RGL1: variants seen among roughly 807,000 people sequenced by gnomAD.
The protein encoded by RGL1 is ral guanine nucleotide dissociation stimulator-like 1.
A neutral mutation model predicts 95.2 loss-of-function variants in RGL1; 24 were observed. That is an observed-to-expected ratio of 0.25 (90% CI 0.18 to 0.35). The LOEUF (loss-of-function observed/expected upper bound fraction) is 0.35, where lower values mean the gene tolerates loss of function less well. Among genes scored for constraint, RGL1 ranks in the 10% least tolerant of loss-of-function variants. The pLI, the probability that RGL1 is intolerant of heterozygous loss-of-function variation, is 1.00. For synonymous variants in RGL1, 329 were observed against 344.9 expected (o/e 0.95, Z 0.51); for missense variants, 715 against 936.3 (o/e 0.76, Z 3.08).
At chr1:183,851,179 T>A (rs868752502) in intron 3 of RGL1, among the ~76,000 whole-genome samples, 30 of 152,308 alleles carry the variant, frequency 2.0e-4, no homozygotes, top group South Asian at 1.2e-3. Flanking sequence ...GAGTTAGGAT[T>A]TATTTTTTTA....
intron 2 of RGL1, among the ~76,000 whole-genome samples, chr1:183,749,574 T>C (rs1018589485): frequency 1.3e-5 from 2 of 152,232 alleles, no homozygotes; most frequent in African/African-American, 2.4e-5. Flanking sequence ...AAGGTTAATA[T>C]TGTTATGTGT....
At chr1:183,694,865 G>A (rs1654164710) in intron 1 of RGL1, among the ~76,000 whole-genome samples, 1 of 152,224 alleles carries the variant, frequency 6.6e-6, no homozygotes. Context: ...GCTCTGACAG[G>A]GATTTCAGGA....
chr1:183,652,194 G>T (rs1650810983), intron 1 of RGL1, among the ~76,000 whole-genome samples: 1 of 152,156 alleles, frequency 6.6e-6, no homozygotes, highest in South Asian at 2.1e-4. Context: ...AAAAGTCTTT[G>T]TGTGTTTTTA....
At chr1:183,729,518 G>A (rs1224184798) in intron 1 of RGL1, among the ~76,000 whole-genome samples, 1 of 152,052 alleles carries the variant, frequency 6.6e-6, no homozygotes, top group Non-Finnish European at 1.5e-5. Flanking sequence ...TGCATACACC[G>A]CTTATGGGAA....
At chr1:183,649,787 G>A (rs915625551) in intron 1 of RGL1, among the ~76,000 whole-genome samples, 4 of 151,930 alleles carry the variant, frequency 2.6e-5, no homozygotes, top group African/African-American at 9.7e-5. Context: ...TTCAGTTATC[G>A]TTGTTCCTAT....
intron 1 of RGL1, among the ~76,000 whole-genome samples, chr1:183,719,110 A>G (rs984963548): frequency 6.6e-6 from 1 of 152,204 alleles, no homozygotes; most frequent in African/African-American, 2.4e-5. Context: ...ATTATCTTTC[A>G]TATGGTTGCA....
intron 1 of RGL1, among the ~76,000 whole-genome samples, chr1:183,679,420 T>C (rs1207040966): frequency 6.9e-6 from 1 of 144,162 alleles, no homozygotes; most frequent in Non-Finnish European, 1.5e-5. Context: ...CCGTGTGTGA[T>C]GTTCCCCTCC....
At chr1:183,911,453 TA>T (rs2102728978) in intron 14 of RGL1, among the ~76,000 whole-genome samples, 1 of 152,306 alleles carries the variant, frequency 6.6e-6, no homozygotes, top group Admixed American at 6.5e-5. Context: ...GGGTGTGCAT[TA>T]AAACCCATAT....
intron 1 of RGL1, among the ~76,000 whole-genome samples, chr1:183,698,290 G>C (rs1455092327): frequency 6.6e-6 from 1 of 152,200 alleles, no homozygotes; most frequent in Non-Finnish European, 1.5e-5. Context: ...TGGTCTAGGA[G>C]TGGTAGTGGC....
chr1:183,784,369 T>G (rs952923010), intron 2 of RGL1, among the ~76,000 whole-genome samples: 8 of 152,172 alleles, frequency 5.3e-5, no homozygotes, highest in Non-Finnish European at 1.2e-4. Context: ...CTGTCAGCAG[T>G]TAGCAGGCTC....
intron 8 of RGL1, among the ~76,000 whole-genome samples, chr1:183,889,445 G>A (rs2102663512): frequency 6.6e-6 from 1 of 152,244 alleles, no homozygotes; most frequent in South Asian, 2.1e-4. Flanking sequence ...AGGAGGAGAG[G>A]GATGCCAGCT....
chr1:183,863,826 A>G (rs1331315313), intron 3 of RGL1, among the ~76,000 whole-genome samples: 1 of 152,172 alleles, frequency 6.6e-6, no homozygotes, highest in Non-Finnish European at 1.5e-5. Context: ...GTTATTATCA[A>G]GCAGTCACTC....
chr1:183,892,253 C>G, intron 9 of RGL1, 92 bp downstream of exon 9: 1 of 905,174 alleles, frequency 1.1e-6, no homozygotes, highest in East Asian at 2.6e-5. Context: ...TAAGTTCCTT[C>G]AACTCCAAAG....
chr1:183,647,915 A>C, intron 1 of RGL1: 1 of 1,614,168 alleles, frequency 6.2e-7, no homozygotes, highest in Non-Finnish European at 8.5e-7. Flanking sequence ...AAACAACAGG[A>C]GCCCTGAGGT....
chr1:183,915,018 A>G (rs1446334260), intron 15 of RGL1, among the ~76,000 whole-genome samples: 5 of 152,202 alleles, frequency 3.3e-5, no homozygotes, highest in African/African-American at 1.2e-4. Flanking sequence ...AAAAACCAAA[A>G]CAAAAACTAA....
chr1:183,891,811 A>G (rs942321088), intron 8 of RGL1, among the ~76,000 whole-genome samples: 2 of 147,500 alleles, frequency 1.4e-5, no homozygotes, highest in East Asian at 2.0e-4. Context: ...TGATGCCCCA[A>G]TTGAATAATC....
intron 1 of RGL1, among the ~76,000 whole-genome samples, chr1:183,700,053 C>G (rs926037773): frequency 1.3e-5 from 2 of 152,150 alleles, no homozygotes; most frequent in Non-Finnish European, 2.9e-5. Context: ...TCCCGTATTG[C>G]ATGGGAGTAT....
chr1:183,722,853 A>G (rs1002920035), intron 1 of RGL1, among the ~76,000 whole-genome samples: 3 of 142,660 alleles, frequency 2.1e-5, no homozygotes, highest in Non-Finnish European at 4.7e-5. Flanking sequence ...ATGATACCTG[A>G]TGATAATGTG....
intron 1 of RGL1, among the ~76,000 whole-genome samples, chr1:183,740,378 G>A (rs1406201544): frequency 6.6e-6 from 1 of 152,168 alleles, no homozygotes. Context: ...ACTGCTCTCT[G>A]CAAGTAGATG....
Sources: allele counts gnomAD v4.1 joint callset (sites outside exome capture counted in the v4.1 genomes callset), GRCh38; gene constraint gnomAD v4.1.1; transcripts MANE v1.5; gene names NCBI Gene and HGNC (gene_info 2026-07-23, HGNC 2026-07-21).